The following KLC3 variants were observed in gnomAD, a reference collection of about 807,000 sequenced individuals.
KLC3 encodes kinesin light chain 3.
Under a neutral mutation model 62.9 loss-of-function variants are expected in KLC3, and 72 were observed. The ratio of observed to expected loss-of-function variants is 1.15; its 90% CI spans 0.95 to 1.39. The LOEUF (loss-of-function observed/expected upper bound fraction) is 1.39, where lower values mean the gene tolerates loss of function less well. Among genes scored for constraint, KLC3 ranks in the 40% most tolerant of loss-of-function variants. The pLI is 0.00. For synonymous variants in KLC3, 377 were observed against 300.5 expected (o/e 1.25, Z -2.63); for missense variants, 848 against 691.6 (o/e 1.23, Z -2.54).
chr19:45,344,651 T>TTGTGTG (rs951106598), intron 1 of KLC3, among the ~76,000 whole-genome samples: 1 of 152,092 alleles, frequency 6.6e-6, no homozygotes, highest in African/African-American at 2.4e-5. Flanking sequence ...AGGAGTGTGT[T>TTGTGTG]TGTGTGTATA....
In KLC3 at chr19:45,344,154, A is replaced by AGTGTGTGTGT. The variant is rs34947979; in HGVS notation, c.-8-1365_-8-1356dup. ...GCCTACATTGTGTTTCTAATGAGGG[A>AGTGTGTGTGT]GTGTGTGTGTGTGTGTGTGTGTGTA... is the stretch of plus-strand genomic sequence containing the variant. On this transcript the variant is annotated intron_variant, in intron 1 of 12. Coordinates refer to ENST00000391946, the MANE Select transcript of KLC3 (RefSeq NM_177417.3). 1.7e-3 allele frequency among the ~76,000 whole-genome samples: 243 copies of AGTGTGTGTGT among 142,116 alleles called. 1 individual carries two copies. Among genetic ancestry groups the AGTGTGTGTGT allele is most frequent in the African/African-American group, 5.0e-3 (191 of 38,022 alleles). The allele number at this position is 142,116 out of a possible 152,430, so 93.2% of individuals were successfully genotyped here.
intron 9 of KLC3, 39 bp downstream of exon 9, chr19:45,350,470 C>T (rs778976100): frequency 6.2e-7 from 1 of 1,613,412 alleles, no homozygotes; most frequent in South Asian, 1.1e-5. Context: ...CTCCTGGTGG[C>T]TTCTCTATGT....
Position 45,348,933 on chromosome 19 carries a change from C to T in KLC3, c.969+12C>T, listed in dbSNP as rs1490741951. 2.6e-6 allele frequency: 4 copies of T among 1,562,468 alleles called. No homozygotes were observed. The highest frequency in any genetic ancestry group is 3.5e-6 in the Non-Finnish European group (4 of 1,152,030). ...AGATCCGAGAGAAGGTCCCATCCCC[C>T]TCACCCCACCCCGAGGAACCCCTTG... On this transcript the variant is annotated intron_variant, in intron 7 of 12. Transcript: ENST00000391946.
intron 7 of KLC3, 135 bp downstream of exon 7, chr19:45,349,056 A>G: frequency 1.3e-6 from 1 of 759,588 alleles, no homozygotes; most frequent in Non-Finnish European, 2.1e-6. Flanking sequence ...GTTGGAGCCT[A>G]GATCACCCAA....
chr19:45,347,622 G>A (rs1971535409), intron 4 of KLC3, 106 bp downstream of exon 4: 1 of 1,046,986 alleles, frequency 9.6e-7, no homozygotes, highest in South Asian at 1.5e-5. Flanking sequence ...GGGAGGTGAG[G>A]GCAGGGTGAG....
At chr19:45,341,582 C>T (rs866324555) in intron 1 of KLC3, among the ~76,000 whole-genome samples, 87 of 86,770 alleles carry the variant, frequency 1.0e-3, no homozygotes, top group Middle Eastern at 7.2e-3. Flanking sequence ...TGTGTGTGCG[C>T]GCGCGCGTGT....
intron 11 of KLC3, 46 bp from the exon 12 acceptor site, chr19:45,350,908 G>C (rs910097187): frequency 6.3e-7 from 1 of 1,594,438 alleles, no homozygotes; most frequent in Admixed American, 1.7e-5. Context: ...GTGGAGGGGG[G>C]CCACTCCTGG....
chr19:45,346,989 C>T, intron 3 of KLC3: 2 of 527,576 alleles, frequency 3.8e-6, no homozygotes, highest in Non-Finnish European at 6.7e-6. Flanking sequence ...CTCCACGAAG[C>T]CCCCGAGCCT....
At position 45,346,788 on chromosome 19, in the gene KLC3, G is replaced by T; in HGVS notation, c.489+14G>T. The T allele has an allele frequency of 6.4e-7, 1 of 1,550,922 alleles. No homozygotes were observed. The highest frequency in any genetic ancestry group is 8.7e-7 in the Non-Finnish European group (1 of 1,148,292). On this transcript the variant is annotated intron_variant, in intron 3 of 12. Coordinates refer to ENST00000391946, the MANE Select transcript of KLC3 (RefSeq NM_177417.3). ...GCGGAGAGCCAGGTGCCACGGGCAG[G>T]GCGAGGCGGGGGGTGCTGGGCCCTT...
chr19:45,342,976 G>A (rs1017339372), intron 1 of KLC3, among the ~76,000 whole-genome samples: 5 of 152,164 alleles, frequency 3.3e-5, no homozygotes, highest in African/African-American at 9.7e-5. Context: ...TGAAGTGTGC[G>A]AGAACGTGGC....
chr19:45,349,334 C>T (rs557605782), intron 7 of KLC3, 95 bp from the exon 8 acceptor site: 4 of 1,307,502 alleles, frequency 3.1e-6, no homozygotes, highest in Admixed American at 2.2e-5. Flanking sequence ...TGCTTTGACC[C>T]TGTAATCCCC....
At chr19:45,348,623 C>A in intron 5 of KLC3, 23 bp from the exon 6 acceptor site, 1 of 1,556,562 alleles carries the variant, frequency 6.4e-7, no homozygotes, top group Admixed American at 1.9e-5. Flanking sequence ...TAACCCCCTC[C>A]ATTCCTGGGG....
In KLC3 at chr19:45,350,443, G is replaced by C; in HGVS notation, c.1234+12G>C. On this transcript the variant is annotated intron_variant, in intron 9 of 12. Coordinates refer to ENST00000391946, the MANE Select transcript of KLC3 (RefSeq NM_177417.3). The stretch of plus-strand genomic sequence containing the variant: ...ACCCGCCCCTCTCGGTGAGCCCCTA[G>C]CCCCTGTCTGTCTTCCCTCCTGGTG... 2 of 1,612,786 alleles carry C rather than the reference G, an allele frequency of 1.2e-6. No homozygotes were observed. The highest frequency in any genetic ancestry group is 1.7e-6 in the Non-Finnish European group (2 of 1,179,382).
chr19:45,350,469 G>A, intron 9 of KLC3, 38 bp downstream of exon 9: 1 of 1,613,350 alleles, frequency 6.2e-7, no homozygotes, highest in Non-Finnish European at 8.5e-7. Context: ...CCTCCTGGTG[G>A]CTTCTCTATG....
intron 1 of KLC3, among the ~76,000 whole-genome samples, chr19:45,344,232 TA>T (rs1172461696): frequency 1.4e-5 from 2 of 146,660 alleles, no homozygotes; most frequent in East Asian, 2.0e-4. Flanking sequence ...TTTTTTTTTT[TA>T]AATGAAGTCT....
chr19:45,342,159 T>C (rs1180594289), intron 1 of KLC3, among the ~76,000 whole-genome samples: 1 of 150,484 alleles, frequency 6.6e-6, no homozygotes, highest in Admixed American at 6.6e-5. Flanking sequence ...TAGAGGGAGG[T>C]TTTACATCGG....
At chr19:45,346,935 G>T in intron 3 of KLC3, 161 bp downstream of exon 3, 1 of 403,518 alleles carries the variant, frequency 2.5e-6, no homozygotes, top group Non-Finnish European at 4.0e-6. Flanking sequence ...CCTCCACAGA[G>T]CCCCCAGACC....
intron 1 of KLC3, among the ~76,000 whole-genome samples, chr19:45,341,607 C>T (rs1971398164): frequency 7.7e-6 from 1 of 129,120 alleles, no homozygotes; most frequent in African/African-American, 2.9e-5. Context: ...GACAGTGTGG[C>T]ACTGGATCAG....
In KLC3 at chr19:45,351,315, T is replaced by G. The variant is rs749038757; in HGVS notation, c.1473T>G (p.Pro491=). Residue 491 remains proline, a synonymous_variant, in exon 13 of 13, where the codon CCT becomes CCG. Coordinates refer to ENST00000391946, the MANE Select transcript of KLC3 (RefSeq NM_177417.3). The part of the protein sequence containing the change: ...QFPSWHLDKA[P]RTLSASTQDL... ...CCAGCTGGCACCTGGACAAGGCCCC[T>G]CGGACCCTCAGCGCCAGCACCCAGG... 3.1e-6 allele frequency: 5 copies of G among 1,612,430 alleles called. No individual in the cohort carries two copies. The highest frequency in any genetic ancestry group is 4.2e-6 in the Non-Finnish European group (5 of 1,179,980).
Sources: allele counts gnomAD v4.1 joint callset (sites outside exome capture counted in the v4.1 genomes callset), GRCh38; gene constraint gnomAD v4.1.1; transcripts MANE v1.5; gene names NCBI Gene and HGNC (gene_info 2026-07-23, HGNC 2026-07-21).